Variants in AGBL4 observed in about 807,000 individuals in gnomAD.
AGBL4 encodes cytosolic carboxypeptidase 6.
A neutral mutation model predicts 66.4 loss-of-function variants in AGBL4; 58 were observed. The ratio of observed to expected loss-of-function variants is 0.87; its 90% confidence interval spans 0.71 to 1.09. The LOEUF is 1.09. AGBL4 is among the 50% of genes least tolerant of loss of function. AGBL4 has a pLI of 0.00. For synonymous variants in AGBL4, 234 were observed against 222.9 expected, an observed-to-expected ratio of 1.05 and a Z score of -0.44; for missense variants, 579 against 631.0, an observed-to-expected ratio of 0.92 and a Z score of 0.88.
chr1:48,648,854 T>C (rs1363180039), intron 8 of AGBL4, among the ~76,000 whole-genome samples: 1 of 152,190 alleles, frequency 6.6e-6, no homozygotes, highest in Non-Finnish European at 1.5e-5. Flanking sequence ...AGTGTTCCTG[T>C]CACAACAACA....
At chr1:48,580,009 A>G (rs1185749339) in intron 11 of AGBL4, among the ~76,000 whole-genome samples, 1 of 152,084 alleles carries the variant, frequency 6.6e-6, no homozygotes, top group African/African-American at 2.4e-5. Flanking sequence ...GTTTCGACTG[A>G]GATCTCAAGA....
intron 9 of AGBL4, among the ~76,000 whole-genome samples, chr1:48,595,826 T>C (rs1644986508): frequency 6.6e-6 from 1 of 152,214 alleles, no homozygotes; most frequent in African/African-American, 2.4e-5. Context: ...AGCTTGGTGC[T>C]CTGATGTGGG....
At chr1:49,207,542 T>TTTTCTTTCTTTCTTTCTTTCTTTC (rs71056688) in intron 4 of AGBL4, among the ~76,000 whole-genome samples, 6 of 78,024 alleles carry the variant, frequency 7.7e-5, no homozygotes, top group African/African-American at 2.9e-4. Flanking sequence ...TTTTTCTTTC[T>TTTTCTTTCTTTCTTTCTTTCTTTC]TTTCTTTCTT....
chr1:49,684,673 T>C (rs1646755559), intron 3 of AGBL4, among the ~76,000 whole-genome samples: 1 of 152,228 alleles, frequency 6.6e-6, no homozygotes, highest in African/African-American at 2.4e-5. Context: ...CTTTGCTTTA[T>C]ATAAATTGAC....
intron 4 of AGBL4, among the ~76,000 whole-genome samples, chr1:49,111,571 A>G (rs760952798): frequency 1.1e-4 from 17 of 152,172 alleles, no homozygotes; most frequent in Non-Finnish European, 1.9e-4. Flanking sequence ...GCTTCTTTTG[A>G]CCATATCATC....
intron 2 of AGBL4, among the ~76,000 whole-genome samples, chr1:49,830,165 G>T (rs1388925945): frequency 1.3e-5 from 2 of 152,022 alleles, no homozygotes; most frequent in Middle Eastern, 3.2e-3. Context: ...TGGTATTTCT[G>T]GTTCTAGATC....
At chr1:49,675,323 C>T (rs1414554230) in intron 3 of AGBL4, among the ~76,000 whole-genome samples, 1 of 151,342 alleles carries the variant, frequency 6.6e-6, no homozygotes, top group East Asian at 1.9e-4. Context: ...ATAACAGAAA[C>T]AAAAAAATAC....
At chr1:49,855,482 T>G (rs558197270) in intron 1 of AGBL4, among the ~76,000 whole-genome samples, 1 of 152,324 alleles carries the variant, frequency 6.6e-6, no homozygotes, top group Non-Finnish European at 1.5e-5. Context: ...AACAGTTTCA[T>G]GGACAGATCA....
At chr1:49,981,180 T>C (rs1659026599) in intron 1 of AGBL4, among the ~76,000 whole-genome samples, 1 of 152,212 alleles carries the variant, frequency 6.6e-6, no homozygotes, top group South Asian at 2.1e-4. Flanking sequence ...TATAAAATTA[T>C]AACAATCTCA....
intron 3 of AGBL4, among the ~76,000 whole-genome samples, chr1:49,421,431 A>T (rs1408351814): frequency 6.6e-6 from 1 of 152,088 alleles, no homozygotes; most frequent in Non-Finnish European, 1.5e-5. Flanking sequence ...AACATAAAAC[A>T]TTGTCTGAAA....
At chr1:49,144,566 A>G (rs1005208342) in intron 4 of AGBL4, among the ~76,000 whole-genome samples, 3 of 149,446 alleles carry the variant, frequency 2.0e-5, no homozygotes, top group African/African-American at 7.4e-5. Context: ...CTCAAACACA[A>G]ATACACATCT....
At chr1:49,480,281 T>C (rs909274080) in intron 3 of AGBL4, among the ~76,000 whole-genome samples, 2 of 152,026 alleles carry the variant, frequency 1.3e-5, no homozygotes, top group African/African-American at 4.8e-5. Flanking sequence ...TTTTTCCCCA[T>C]GACTTGGCCA....
At chr1:49,256,241 T>C (rs1458978122) in intron 3 of AGBL4, among the ~76,000 whole-genome samples, 2 of 152,158 alleles carry the variant, frequency 1.3e-5, no homozygotes, top group African/African-American at 4.8e-5. Flanking sequence ...CCTGATTAGA[T>C]CATTATACAT....
At chr1:48,524,787 T>C in the AGBL4 span, among the ~76,000 whole-genome samples, 1 of 152,148 alleles carries the variant, frequency 6.6e-6, no homozygotes, top group East Asian at 1.9e-4. Flanking sequence ...CACACATACA[T>C]TCAAATACAT....
intron 4 of AGBL4, among the ~76,000 whole-genome samples, chr1:49,144,902 G>C (rs1387276661): frequency 2.0e-5 from 3 of 152,104 alleles, no homozygotes; most frequent in Non-Finnish European, 2.9e-5. Flanking sequence ...GGGGTTGGTG[G>C]TGGTGGTAAC....
chr1:49,129,784 G>A (rs1017911967), intron 4 of AGBL4, among the ~76,000 whole-genome samples: 1 of 152,124 alleles, frequency 6.6e-6, no homozygotes, highest in African/African-American at 2.4e-5. Context: ...ACGTGTGCAT[G>A]TGTCTTTATA....
intron 4 of AGBL4, among the ~76,000 whole-genome samples, chr1:49,086,475 C>G (rs574671527): frequency 6.6e-6 from 1 of 152,170 alleles, no homozygotes; most frequent in East Asian, 2.0e-4. Context: ...TCTGTGTAAA[C>G]TCAGCTGAAG....
chr1:49,004,307 G>T (rs1661612794), intron 5 of AGBL4, among the ~76,000 whole-genome samples: 1 of 152,180 alleles, frequency 6.6e-6, no homozygotes, highest in African/African-American at 2.4e-5. Flanking sequence ...TCAGGAAACA[G>T]ATCATCAAGA....
intron 2 of AGBL4, among the ~76,000 whole-genome samples, chr1:49,721,598 G>C (rs547618314): frequency 6.6e-6 from 1 of 152,192 alleles, no homozygotes; most frequent in East Asian, 1.9e-4. Context: ...GTGACATTTT[G>C]AATTTTATTA....
Sources: allele counts gnomAD v4.1 joint callset (sites outside exome capture counted in the v4.1 genomes callset), GRCh38; gene constraint gnomAD v4.1.1; transcripts MANE v1.5; gene names NCBI Gene and HGNC (gene_info 2026-07-23, HGNC 2026-07-21).